KCND2: variants seen among roughly 807,000 people sequenced by gnomAD.
KCND2 encodes potassium voltage-gated channel subfamily D member 2.
KCND2 carries 16 observed loss-of-function variants against 54.4 expected under a neutral mutation model. The observed-to-expected ratio is 0.29, with a 90% confidence interval of 0.20 to 0.45. The LOEUF (loss-of-function observed/expected upper bound fraction) is 0.45, where lower values mean the gene tolerates loss of function less well. KCND2 is among the 20% of genes least tolerant of loss of function. KCND2 has a pLI of 1.00. For missense variants in KCND2, 486 were observed against 824.2 expected, an observed-to-expected ratio of 0.59 and a Z score of 5.02; for synonymous variants, 317 against 310.7, an observed-to-expected ratio of 1.02 and a Z score of -0.21.
chr7:120,496,761 G>T (rs188547351), intron 1 of KCND2, among the ~76,000 whole-genome samples: 50 of 152,158 alleles, frequency 3.3e-4, no homozygotes, highest in Admixed American at 1.4e-3. Context: ...ATTGATTGTG[G>T]CCTTTCTCTT....
intron 1 of KCND2, among the ~76,000 whole-genome samples, chr7:120,641,437 C>A (rs1793372924): frequency 6.6e-6 from 1 of 152,192 alleles, no homozygotes; most frequent in African/African-American, 2.4e-5. Flanking sequence ...CCAAACTACT[C>A]TGTGACCTTG....
intron 1 of KCND2, among the ~76,000 whole-genome samples, chr7:120,317,578 T>C (rs943637968): frequency 6.6e-5 from 10 of 152,218 alleles, no homozygotes; most frequent in Non-Finnish European, 7.3e-5. Flanking sequence ...AGTTCTAATA[T>C]ACCTTATTAG....
chr7:120,365,101 AG>A (rs902658593), intron 1 of KCND2, among the ~76,000 whole-genome samples: 1 of 151,346 alleles, frequency 6.6e-6, no homozygotes, highest in African/African-American at 2.4e-5. Context: ...TAAAGTTCAT[AG>A]TTGTTATTTA....
chr7:120,411,543 C>T (rs1563037675), intron 1 of KCND2, among the ~76,000 whole-genome samples: 1 of 151,682 alleles, frequency 6.6e-6, no homozygotes, highest in Non-Finnish European at 1.5e-5. Context: ...TATCAGGGCA[C>T]TCAGATCTAC....
At chr7:120,733,177 A>G (rs573495316) in intron 2 of KCND2, 112 bp downstream of exon 2, 19 of 1,010,216 alleles carry the variant, frequency 1.9e-5, no homozygotes, top group East Asian at 5.1e-5. Context: ...AGTTGCATCA[A>G]TCAGGACCGA....
In KCND2 at chr7:120,650,682, A is replaced by G. The variant is rs375388330; in HGVS notation, c.1116-82221A>G. Among the ~76,000 whole-genome samples the G allele has an allele frequency of 7.0e-5, 10 of 143,776 alleles. 1 individual carries two copies. In the East Asian group the frequency reaches 9.7e-4, roughly 14 times the overall value. 94.3% of individuals were successfully genotyped at this position (143,776 alleles called of 152,430 possible). A position where few individuals can be genotyped will look rare whatever the true frequency, so the allele number is the denominator to read the frequency against. On this transcript the variant is annotated intron_variant, in intron 1 of 5. Coordinates refer to ENST00000331113, the MANE Select transcript of KCND2 (RefSeq NM_012281.3). ...AGGAGCTGCGTTCCTTTGGAGGAGGACAGGCACTCTGATTTTTAGAATTTT... is the reference window on the plus strand; with the variant it reads ...AGGAGCTGCGTTCCTTTGGAGGAGGGCAGGCACTCTGATTTTTAGAATTTT...
At chr7:120,455,654 A>G (rs1366406318) in intron 1 of KCND2, among the ~76,000 whole-genome samples, 1 of 152,186 alleles carries the variant, frequency 6.6e-6, no homozygotes, top group Non-Finnish European at 1.5e-5. Flanking sequence ...ACACAGACAT[A>G]AAAAATGAAT....
intron 1 of KCND2, among the ~76,000 whole-genome samples, chr7:120,458,528 G>A (rs1802235537): frequency 6.6e-6 from 1 of 152,148 alleles, no homozygotes; most frequent in South Asian, 2.1e-4. Flanking sequence ...ATGGAAATGA[G>A]CAGTTCATAT....
intron 1 of KCND2, among the ~76,000 whole-genome samples, chr7:120,616,050 AAC>A (rs1303108179): frequency 6.6e-6 from 1 of 152,126 alleles, no homozygotes; most frequent in Non-Finnish European, 1.5e-5. Flanking sequence ...TTCAGTGTAT[AAC>A]ACAGTGCAGG....
In KCND2 at chr7:120,618,012, CAGTG is replaced by C. The variant is rs151247604; in HGVS notation, c.1116-114888_1116-114885del. Among the ~76,000 whole-genome samples the C allele has an allele frequency of 7.6e-3, 1,153 of 152,110 alleles. 17 individuals carry two copies. The highest frequency in any genetic ancestry group is 0.027 in the African/African-American group (1,103 of 41,478). The stretch of plus-strand genomic sequence containing the variant: ...CAACAAACACCAGAGCCTACTCAAA[CAGTG>C]AGAGTAGGAAGAGAATGAGGGTCGA... On this transcript the variant is annotated intron_variant, in intron 1 of 5. Transcript: ENST00000331113.
rs1793054164 is a variant in KCND2 at position 120,750,138 on chromosome 7, T to C, written c.*2280T>C. 1 of 152,414 alleles carries C rather than the reference T, an allele frequency of 6.6e-6. No homozygotes were observed. Among genetic ancestry groups the C allele is most frequent in the South Asian group, 2.1e-4 (1 of 4,836 alleles). The allele number at this position is 152,414 out of a possible 1,614,324, so 9.4% of individuals were successfully genotyped here. ...GGTGAATGACTATTGATGACTGTGT[T>C]AAGTGCATCTGTATTGTAAGTGAAA... On this transcript the variant is annotated 3_prime_UTR_variant, in exon 6 of 6. Transcript: ENST00000331113.
intron 1 of KCND2, among the ~76,000 whole-genome samples, chr7:120,556,599 A>G (rs922955478): frequency 6.6e-6 from 1 of 152,174 alleles, no homozygotes; most frequent in Non-Finnish European, 1.5e-5. Flanking sequence ...TTAAGATCTC[A>G]TCAGATATGT....
rs190311340 is a variant in KCND2 at position 120,587,568 on chromosome 7, T to C, written c.1116-145335T>C. On this transcript the variant is annotated intron_variant, in intron 1 of 5. Transcript: ENST00000331113. ...AGACGAATAGATTTCCTAACAGATA[T>C]ATCTTTTGGGGAAAAAAAATCAAAT... Among the ~76,000 whole-genome samples the C allele has an allele frequency of 4.3e-3, 661 of 152,158 alleles. 3 individuals are homozygous for C. Among genetic ancestry groups the C allele is most frequent in the Non-Finnish European group, 7.3e-3 (497 of 67,968 alleles).
At position 120,274,880 on chromosome 7, in the gene KCND2, A is replaced by T; in HGVS notation, c.248A>T (p.Tyr83Phe). 1 of 1,614,120 alleles carries T rather than the reference A, an allele frequency of 6.2e-7. No individual in the cohort carries two copies. The highest frequency in any genetic ancestry group is 1.1e-5 in the South Asian group (1 of 91,080). ...DFFYHPETQQ[Y>F]FFDRDPDIFR... ...TTCTACCACCCAGAAACTCAGCAGT[A>T]TTTCTTTGACCGTGACCCAGACATC... The change falls in exon 1 of 6, where the codon TAT (tyrosine) becomes TTT (phenylalanine). Residue 83 changes from tyrosine to phenylalanine, a missense_variant. Physicochemically the swap from Tyr to Phe is conservative, Grantham distance 22. Transcript: ENST00000331113.
intron 1 of KCND2, among the ~76,000 whole-genome samples, chr7:120,595,416 A>C (rs1254804389): frequency 6.7e-6 from 1 of 148,284 alleles, no homozygotes; most frequent in Non-Finnish European, 1.5e-5. Flanking sequence ...GCACCACTGC[A>C]CTCCAGCCTG....
chr7:120,381,632 G>A (rs1295663316), intron 1 of KCND2, among the ~76,000 whole-genome samples: 4 of 152,006 alleles, frequency 2.6e-5, no homozygotes, highest in Admixed American at 1.3e-4. Context: ...TGTAATTTCA[G>A]TTATACCTGG....
intron 1 of KCND2, among the ~76,000 whole-genome samples, chr7:120,703,984 T>A (rs576948132): frequency 2.6e-5 from 4 of 152,330 alleles, no homozygotes; most frequent in Admixed American, 2.6e-4. Context: ...CTGGCATCTT[T>A]CTATGGCCAA....
chr7:120,537,669 A>G (rs902963759), intron 1 of KCND2, among the ~76,000 whole-genome samples: 1 of 152,220 alleles, frequency 6.6e-6, no homozygotes, highest in Non-Finnish European at 1.5e-5. Context: ...GCTTCCATCT[A>G]TATTAGCACT....
chr7:120,339,761 C>T (rs766468650), intron 1 of KCND2, among the ~76,000 whole-genome samples: 12 of 152,006 alleles, frequency 7.9e-5, no homozygotes, highest in Non-Finnish European at 1.6e-4. Context: ...AAACACAGAG[C>T]AGAGGGAAGG....
Sources: gnomAD v4.1 joint callset for allele counts (sites outside exome capture counted in the v4.1 genomes callset) on GRCh38, gnomAD v4.1.1 for gene constraint, MANE v1.5 for transcripts, NCBI Gene and HGNC (gene_info 2026-07-23, HGNC 2026-07-21) for gene names.